The following PTPRN variants were observed in gnomAD, a reference collection of about 807,000 sequenced individuals.
PTPRN encodes the protein protein tyrosine phosphatase receptor type N.
Under a neutral mutation model 108.5 loss-of-function variants are expected in PTPRN, and 70 were observed. The observed-to-expected ratio is 0.65, with a 90% CI of 0.53 to 0.79. The LOEUF is 0.79. Ranked by LOEUF, PTPRN falls within the 30% of genes least tolerant of loss-of-function variation. PTPRN has a pLI of 0.00. For missense variants in PTPRN, 1,136 were observed against 1,295.5 expected (o/e 0.88, Z 1.89); for synonymous variants, 496 against 524.6 (o/e 0.95, Z 0.75).
chr2:219,307,636 C>G (rs1952517084), intron 2 of PTPRN, 79 bp from the exon 3 acceptor site: 3 of 1,466,366 alleles, frequency 2.0e-6, no homozygotes, highest in Admixed American at 1.7e-5. Context: ...GGACTGTACT[C>G]TCTTCACTTT....
At chr2:219,309,187 C>CCCCCCCCCCCCCCCCCACA in intron 1 of PTPRN, 31 bp downstream of exon 1, 1 of 1,374,332 alleles carries the variant, frequency 7.3e-7, no homozygotes, top group Non-Finnish European at 1.0e-6. Context: ...CCCCGCCCCC[C>CCCCCCCCCCCCCCCCCACA]ACCACCCGCC....
rs1309319948 is a variant in PTPRN, at chr2:219,297,563, G to A, written c.1888-130C>T. 3.2e-6 allele frequency: 3 copies of A among 925,574 alleles called. No individual in the cohort carries two copies. Among genetic ancestry groups the A allele is most frequent in the Non-Finnish European group, 3.3e-6 (2 of 614,722 alleles). The allele number at this position is 925,574 out of a possible 1,614,324, so 57.3% of individuals were successfully genotyped here. The stretch of plus-strand genomic sequence containing the variant: ...TGGAACTCAGCTCCTCTGGGGTATG[G>A]TCTTCTGCCTGGCCCTGATCCTTTC... On this transcript the variant is annotated intron_variant, in intron 13 of 22. Coordinates refer to ENST00000295718, the MANE Select transcript of PTPRN (RefSeq NM_002846.4). This position sits in a 1 kb window ranked among gnomAD's most constrained non-coding sequence, Gnocchi z 6.0.
rs1473222231 is a variant in PTPRN, at chr2:219,290,280, G to A, written c.2886C>T (p.Ala962=). 1 of 1,613,886 alleles carries A rather than the reference G, an allele frequency of 6.2e-7. No homozygotes were observed. The highest frequency in any genetic ancestry group is 1.7e-5 in the Admixed American group (1 of 60,006). Reference sequence around the variant, plus strand: ...TCACTTCCTCCGCCACGGCTGTCAGGGCAAATTCAAACTGGTCCTGAGGAA... The same window carrying A: ...TCACTTCCTCCGCCACGGCTGTCAGAGCAAATTCAAACTGGTCCTGAGGAA... The part of the protein sequence containing the change: ...LVRSKDQFEF[A]LTAVAEEVNA... The change falls in exon 23 of 23, where the codon GCC becomes GCT. Residue 962 remains alanine (A), a synonymous_variant. Coordinates refer to ENST00000295718, the MANE Select transcript of PTPRN (RefSeq NM_002846.4). This position sits in a 1 kb window ranked among gnomAD's most constrained non-coding sequence, Gnocchi z 4.2.
At chr2:219,301,187 C>G (rs1437665680) in intron 7 of PTPRN, among the ~76,000 whole-genome samples, 1 of 152,028 alleles carries the variant, frequency 6.6e-6, no homozygotes, top group African/African-American at 2.4e-5. Context: ...TTTATTAACT[C>G]CTCCCTCTAC....
chr2:219,308,397 G>C (rs891579613), intron 1 of PTPRN: 2 of 172,642 alleles, frequency 1.2e-5, no homozygotes, highest in Admixed American at 5.6e-5. Context: ...GAGAGGAAGG[G>C]GTCACAGAGC....
chr2:219,307,082 G>GT (rs1952502585), intron 3 of PTPRN: 1 of 180,570 alleles, frequency 5.5e-6, no homozygotes, highest in African/African-American at 2.4e-5. Context: ...CTGCTACATA[G>GT]TAAGTACTCA....
chr2:219,306,070 A>G (rs1317846246), intron 3 of PTPRN, among the ~76,000 whole-genome samples: 1 of 152,140 alleles, frequency 6.6e-6, no homozygotes, highest in African/African-American at 2.4e-5. Context: ...GAATCACTTG[A>G]ACCTGGGAGG....
chr2:219,308,330 C>T (rs73079162), intron 1 of PTPRN: 6,178 of 178,346 alleles, frequency 0.035, 221 homozygotes, highest in East Asian at 0.098. Flanking sequence ...GCGCTGTCCG[C>T]GGTGCTGAAG....
rs143406049 is a variant in PTPRN, at chr2:219,297,942, C to T, written c.1830G>A (p.Glu610=). 8 of 1,613,478 alleles carry T rather than the reference C, an allele frequency of 5.0e-6. No individual in the cohort carries two copies. Among genetic ancestry groups the T allele is most frequent in the Admixed American group, 1.7e-5 (1 of 59,998 alleles). ...VRQHARQQDK[E]RLAALGPEGA... ...CCTCAGGCCCCAGGGCTGCCAGGCG[C>T]TCCTTGTCTTGCTGCCGCGCATGCT... Residue 610 remains glutamate (E), a synonymous_variant, in exon 13 of 23, where the codon GAG becomes GAA. Transcript: ENST00000295718. This position sits in a 1 kb window ranked among gnomAD's most constrained non-coding sequence, Gnocchi z 6.0.
intron 12 of PTPRN, among the ~76,000 whole-genome samples, chr2:219,298,404 A>C (rs1044161351): frequency 6.6e-6 from 1 of 152,210 alleles, no homozygotes; most frequent in Admixed American, 6.5e-5. Context: ...TGCAGAAGAC[A>C]AAGGTATTTT....
chr2:219,307,618 T>C, intron 2 of PTPRN, 61 bp from the exon 3 acceptor site: 1 of 1,527,238 alleles, frequency 6.5e-7, no homozygotes. Flanking sequence ...AAAGTCCAGG[T>C]TGCAAATGGA....
rs991396716 is a variant in PTPRN at position 219,299,629 on chromosome 2, C to T, written c.1523+71G>A. 3.5e-6 allele frequency: 5 copies of T among 1,434,122 alleles called. No homozygotes were observed. The African/African-American group carries it at 4.2e-5, about 12-fold the overall frequency. 88.8% of individuals were successfully genotyped at this position (1,434,122 alleles called of 1,614,324 possible). On this transcript the variant is annotated intron_variant, in intron 10 of 22. Coordinates refer to ENST00000295718, the MANE Select transcript of PTPRN (RefSeq NM_002846.4). ...TTGTCTGCTCTTCCTCCCGCAGGCC[C>T]CTCCAGCCACCTCCTTGCTCAAGCT...
Position 219,290,939 on chromosome 2 carries a change from G to T in PTPRN, c.2730-49C>A, listed in dbSNP as rs1553577509. Reference sequence around the variant, plus strand: ...TTTAGCTTGAGATGCAGCAGAAAGGGGGAGGGACGGAGGAGGCGAGGAGGC... The same window carrying T: ...TTTAGCTTGAGATGCAGCAGAAAGGTGGAGGGACGGAGGAGGCGAGGAGGC... On this transcript the variant is annotated intron_variant, in intron 20 of 22. Coordinates refer to ENST00000295718, the MANE Select transcript of PTPRN (RefSeq NM_002846.4). This position sits in a 1 kb window ranked among gnomAD's most constrained non-coding sequence, Gnocchi z 4.2. 6.3e-7 allele frequency: 1 copy of T among 1,581,482 alleles called. No homozygotes were observed. Among genetic ancestry groups the T allele is most frequent in the Non-Finnish European group, 8.7e-7 (1 of 1,150,380 alleles).
chr2:219,290,598 A>G lies in PTPRN; in HGVS notation c.2808T>C (p.Ile936=). ...CATGCTCCAGGGTGGCAGCGATGTCAATCTCCTTCACTCCTGGAGATGGAG... is the reference window on the plus strand; with the variant it reads ...CATGCTCCAGGGTGGCAGCGATGTCGATCTCCTTCACTCCTGGAGATGGAG... ...LNRMAKGVKE[I]DIAATLEHVR... The change falls in exon 22 of 23, where the codon ATT becomes ATC. Residue 936 remains isoleucine (I), a synonymous_variant. Transcript: ENST00000295718. This position sits in a 1 kb window ranked among gnomAD's most constrained non-coding sequence, Gnocchi z 4.2. The G allele has an allele frequency of 6.4e-7, 1 of 1,551,814 alleles. No individual in the cohort carries two copies. The highest frequency in any genetic ancestry group is 8.7e-7 in the Non-Finnish European group (1 of 1,147,010).
rs1952368044 is a variant in PTPRN, at chr2:219,302,233, C to T, written c.898G>A (p.Gly300Arg). ...GAGTCCTCTGCCCGGCTGCTGCTCC[C>T]TTGCTCTGGCAGCCTTGGCACCCTG... ...RARVPRLPEQ[G>R]SSSRAEDSPE... is the part of the protein sequence containing the mutation. Residue 300 changes from glycine to arginine, a missense_variant, in exon 6 of 23, where the codon GGG becomes AGG. Coordinates refer to ENST00000295718, the MANE Select transcript of PTPRN (RefSeq NM_002846.4). 6 of 1,614,210 alleles carry T rather than the reference C, an allele frequency of 3.7e-6. No homozygotes were observed. The highest frequency in any genetic ancestry group is 4.2e-6 in the Non-Finnish European group (5 of 1,180,034).
chr2:219,291,442 C>T, intron 20 of PTPRN, 28 bp downstream of exon 20: 1 of 1,609,698 alleles, frequency 6.2e-7, no homozygotes, highest in Non-Finnish European at 8.5e-7. Context: ...GGAGTGGGAC[C>T]AGAGAGATGA....
intron 19 of PTPRN, chr2:219,294,344 C>T: frequency 2.8e-6 from 1 of 356,774 alleles, no homozygotes; most frequent in Non-Finnish European, 5.7e-6. Context: ...GGGGAGAGGG[C>T]AGAGAGAAAG....
rs1030675234 is a variant in PTPRN at position 219,308,432 on chromosome 2, C to T, written c.116-590G>A. 2.6e-5 allele frequency: 5 copies of T among 193,058 alleles called. No individual in the cohort carries two copies. The East Asian group carries it at 7.0e-4, about 27-fold the overall frequency. The allele number at this position is 193,058 out of a possible 1,614,324, so 12.0% of individuals were successfully genotyped here. A position where few individuals can be genotyped will look rare whatever the true frequency, so the allele number is the denominator to read the frequency against. On this transcript the variant is annotated intron_variant, in intron 1 of 22. Transcript: ENST00000295718. ...CGAGGACTCTCCACTAGACCTGAGC[C>T]CTCTGTTGTATTCTGCCAACCCACA...
Position 219,300,278 on chromosome 2 carries a change from A to G in PTPRN, c.1162-19T>C. 1 of 1,541,636 alleles carries G rather than the reference A, an allele frequency of 6.5e-7. No individual in the cohort carries two copies. Among genetic ancestry groups the G allele is most frequent in the Non-Finnish European group, 8.7e-7 (1 of 1,143,524 alleles). ...CCATTGTCTGTTCAGAAGAGGGTGG[A>G]GGTGTGGCCTCTGGACAGTGCTGGG... On this transcript the variant is annotated intron_variant, in intron 8 of 22. Coordinates refer to ENST00000295718, the MANE Select transcript of PTPRN (RefSeq NM_002846.4).
Sources: allele counts gnomAD v4.1 joint callset (sites outside exome capture counted in the v4.1 genomes callset), GRCh38; gene constraint gnomAD v4.1.1; non-coding constraint Gnocchi (gnomAD v3.1); transcripts MANE v1.5; gene names NCBI Gene and HGNC (gene_info 2026-07-23, HGNC 2026-07-21).